Variants in VPS13D observed in about 807,000 individuals in gnomAD.
VPS13D encodes intermembrane lipid transfer protein VPS13D.
VPS13D carries 187 observed loss-of-function variants against 461.9 expected under a neutral mutation model. That is an observed-to-expected ratio of 0.40 (90% CI 0.36 to 0.46). The LOEUF is 0.46. VPS13D is among the 20% of genes least tolerant of loss of function. VPS13D has a pLI of 0.60. For missense variants in VPS13D, 4,711 were observed against 5,364.9 expected, an observed-to-expected ratio of 0.88 and a Z score of 3.81; for synonymous variants, 1,951 against 1,986.3, an observed-to-expected ratio of 0.98 and a Z score of 0.47.
intron 2 of VPS13D, among the ~76,000 whole-genome samples, chr1:12,235,311 G>T (rs1640112568): frequency 2.0e-5 from 3 of 152,194 alleles, no homozygotes; most frequent in African/African-American, 7.2e-5. Context: ...AGGCGCGGTG[G>T]CTCATGCCTG....
chr1:12,290,778 G>A (rs1642109842), intron 22 of VPS13D, among the ~76,000 whole-genome samples: 1 of 151,322 alleles, frequency 6.6e-6, no homozygotes, highest in East Asian at 1.9e-4. Flanking sequence ...TTGGACTTCT[G>A]CATTGAGACT....
In VPS13D at chr1:12,256,511, C is replaced by A. The variant is rs1306850952; in HGVS notation, c.840+8C>A. 1.9e-6 allele frequency: 3 copies of A among 1,613,256 alleles called. No homozygotes were observed. The African/African-American group carries it at 4.0e-5, about 22-fold the overall frequency. On this transcript the variant is annotated splice_region_variant and intron_variant, in intron 8 of 69. Transcript: ENST00000620676. ...CCCTTGAAACTCTCTCAGGTATGCC[C>A]TTTCTTCTCAGTGGCATCTACTTAC...
At chr1:12,278,838 T>G (rs1441357671) in intron 19 of VPS13D, among the ~76,000 whole-genome samples, 2 of 152,236 alleles carry the variant, frequency 1.3e-5, no homozygotes, top group Admixed American at 1.3e-4. Flanking sequence ...GTTCTAAGAA[T>G]AAAAGCTTAT....
chr1:12,403,748 G>A (rs910312059), intron 62 of VPS13D, 77 bp from the exon 63 acceptor site: 2 of 1,387,498 alleles, frequency 1.4e-6, no homozygotes, highest in Non-Finnish European at 1.9e-6. Flanking sequence ...TTTTTTCTAT[G>A]TGAATACAAA....
chr1:12,255,444 A>G (rs1193885508), intron 7 of VPS13D, among the ~76,000 whole-genome samples: 1 of 152,170 alleles, frequency 6.6e-6, no homozygotes, highest in Non-Finnish European at 1.5e-5. Context: ...TTATCTGCAT[A>G]TGTACAGAAT....
Position 12,509,249 on chromosome 1 carries a change from T to G in VPS13D, c.*225T>G, listed in dbSNP as rs558983918. On this transcript the variant is annotated 3_prime_UTR_variant, in exon 70 of 70. Coordinates refer to ENST00000620676, the MANE Select transcript of VPS13D (RefSeq NM_015378.4). ...TATGGGAAATAATTTTTAAAGGTAT[T>G]GGTTAAATAACGTTTAAAAACATGT... The G allele has an allele frequency of 1.5e-5, 8 of 545,314 alleles. No individual in the cohort carries two copies. The highest frequency in any genetic ancestry group is 2.2e-5 in the Non-Finnish European group (7 of 322,634). 33.8% of individuals were successfully genotyped at this position (545,314 alleles called of 1,614,324 possible).
intron 67 of VPS13D, among the ~76,000 whole-genome samples, chr1:12,487,618 A>G (rs1645815306): frequency 6.6e-6 from 1 of 151,136 alleles, no homozygotes; most frequent in African/African-American, 2.4e-5. Flanking sequence ...CTCAAAAAAA[A>G]AAAAAAAGCA....
At position 12,311,497 on chromosome 1, in the gene VPS13D, C is replaced by T; in HGVS notation, c.6694C>T (p.Leu2232Phe). 1 of 1,614,090 alleles carries T rather than the reference C, an allele frequency of 6.2e-7. No individual in the cohort carries two copies. Among genetic ancestry groups the T allele is most frequent in the Non-Finnish European group, 8.5e-7 (1 of 1,179,992 alleles). The part of the protein sequence containing the change: ...TVPDISIHGN[L>F]SSVHCSLDLY... Reference sequence around the variant, plus strand: ...GCCAGACATATCTATCCATGGCAATCTCTCCTCAGTCCACTGCTCTCTGGA... The same window carrying T: ...GCCAGACATATCTATCCATGGCAATTTCTCCTCAGTCCACTGCTCTCTGGA... The change falls in exon 28 of 70, where the codon CTC (leucine) becomes TTC (phenylalanine). Residue 2232 changes from leucine to phenylalanine, a missense_variant. By Grantham distance (22) the Leu-to-Phe change is conservative (BLOSUM62 0). Around this residue, in one of 3 missense-constraint regions of VPS13D, gnomAD observed 4,411 missense variants for 4,937.8 expected, o/e 0.89. Coordinates refer to ENST00000620676, the MANE Select transcript of VPS13D (RefSeq NM_015378.4).
At chr1:12,408,818 C>G (rs993964732) in intron 63 of VPS13D, among the ~76,000 whole-genome samples, 1 of 152,216 alleles carries the variant, frequency 6.6e-6, no homozygotes, top group Admixed American at 6.5e-5. Context: ...CTTCCCTGTT[C>G]TTGACATCTG....
chr1:12,291,440 G>A (rs1642129534), intron 23 of VPS13D, among the ~76,000 whole-genome samples: 2 of 152,100 alleles, frequency 1.3e-5, no homozygotes, highest in African/African-American at 2.4e-5. Flanking sequence ...ACCACCCTTG[G>A]CAACATAGAC....
chr1:12,433,120 C>G (rs1376940790), intron 65 of VPS13D, among the ~76,000 whole-genome samples: 1 of 152,228 alleles, frequency 6.6e-6, no homozygotes, highest in Non-Finnish European at 1.5e-5. Flanking sequence ...GGGCCACCCT[C>G]TTGTTCTGGA....
chr1:12,407,912 C>T (rs1262953810), intron 63 of VPS13D, among the ~76,000 whole-genome samples: 2 of 152,156 alleles, frequency 1.3e-5, no homozygotes, highest in Non-Finnish European at 2.9e-5. Flanking sequence ...TTGTTTTGAT[C>T]TCATTTTCTC....
rs72864975 is a variant in VPS13D, at chr1:12,258,870, A to G, written c.1110+767A>G. ...ACCTGCTGTGTGGTCAGTGAGGGCAATGCTGAAGCCCTAGTGGTTAGTGCC... is the reference window on the plus strand; with the variant it reads ...ACCTGCTGTGTGGTCAGTGAGGGCAGTGCTGAAGCCCTAGTGGTTAGTGCC... On this transcript the variant is annotated intron_variant, in intron 10 of 69. Transcript: ENST00000620676. Among the ~76,000 whole-genome samples the G allele has an allele frequency of 3.8e-3, 577 of 152,284 alleles. 4 individuals are homozygous for G. Among genetic ancestry groups the G allele is most frequent in the African/African-American group, 0.013 (543 of 41,560 alleles).
At chr1:12,275,559 A>G (rs1490520928) in intron 18 of VPS13D, among the ~76,000 whole-genome samples, 5 of 152,162 alleles carry the variant, frequency 3.3e-5, no homozygotes, top group Admixed American at 3.3e-4. Context: ...GGGAGGCAGC[A>G]TTGGGTCAGC....
intron 67 of VPS13D, among the ~76,000 whole-genome samples, chr1:12,493,363 A>AT (rs1645912561): frequency 6.6e-6 from 1 of 151,684 alleles, no homozygotes; most frequent in African/African-American, 2.4e-5. Context: ...GGCGCCTCTA[A>AT]TCCCAGCTAC....
intron 65 of VPS13D, among the ~76,000 whole-genome samples, chr1:12,445,686 C>G (rs746951885): frequency 8.6e-5 from 13 of 152,034 alleles, no homozygotes; most frequent in Non-Finnish European, 1.5e-4. Flanking sequence ...CCTATTTTAG[C>G]CCATCTGAAA....
At chr1:12,353,516 G>A (rs1235736237) in intron 46 of VPS13D, among the ~76,000 whole-genome samples, 3 of 130,972 alleles carry the variant, frequency 2.3e-5, no homozygotes, top group Non-Finnish European at 4.7e-5. Context: ...CTGGGTGACA[G>A]AGCGAGACTG....
At chr1:12,492,751 G>A (rs1208944143) in intron 67 of VPS13D, among the ~76,000 whole-genome samples, 1 of 152,226 alleles carries the variant, frequency 6.6e-6, no homozygotes, top group African/African-American at 2.4e-5. Flanking sequence ...TCAACAGGAA[G>A]ATGGATATAT....
At chr1:12,357,130 A>G (rs1643892541) in intron 49 of VPS13D, among the ~76,000 whole-genome samples, 1 of 152,238 alleles carries the variant, frequency 6.6e-6, no homozygotes, top group African/African-American at 2.4e-5. Context: ...TTTGCTTTTT[A>G]CAAGAGTCTT....
Sources: gnomAD v4.1 joint callset for allele counts (sites outside exome capture counted in the v4.1 genomes callset) on GRCh38, gnomAD v4.1.1 for gene constraint, gnomAD v4.1.1 regional missense constraint, MANE v1.5 for transcripts, NCBI Gene and HGNC (gene_info 2026-07-23, HGNC 2026-07-21) for gene names.